Variants in PDIA5 observed in about 807,000 individuals in gnomAD.
The protein encoded by PDIA5 is protein disulfide isomerase family A member 5, also known as protein disulfide-isomerase A5.
PDIA5 carries 58 observed loss-of-function variants against 77.6 expected under a neutral mutation model. The ratio of observed to expected loss-of-function variants is 0.75; its 90% CI spans 0.61 to 0.93. The LOEUF is 0.93. Ranked by LOEUF, PDIA5 falls within the 40% of genes least tolerant of loss-of-function variation. PDIA5 has a pLI of 0.00. For synonymous variants in PDIA5, 250 were observed against 252.1 expected, an observed-to-expected ratio of 0.99 and a Z score of 0.08; for missense variants, 630 against 647.7, an observed-to-expected ratio of 0.97 and a Z score of 0.30.
At chr3:123,159,403 G>T (rs1037251802) in intron 15 of PDIA5, among the ~76,000 whole-genome samples, 2 of 152,194 alleles carry the variant, frequency 1.3e-5, no homozygotes, top group African/African-American at 4.8e-5. Context: ...GTGCATAGGG[G>T]CCAGTCTGCT....
chr3:123,139,001 A>G (rs1053622576), intron 11 of PDIA5, among the ~76,000 whole-genome samples: 5 of 152,200 alleles, frequency 3.3e-5, no homozygotes, highest in African/African-American at 1.2e-4. Flanking sequence ...TGAAATCCAG[A>G]CGAATCCGAG....
Position 123,150,146 on chromosome 3 carries a change from G to A in PDIA5, c.1143-88G>A, listed in dbSNP as rs553360728. On this transcript the variant is annotated intron_variant, in intron 13 of 16. Transcript: ENST00000316218. ...GTGGTTTCTTCATGCATGTTCCCCC[G>A]AGTGGTTGGGACATTGAGGGTGGAT... 1,108 of 873,164 alleles carry A rather than the reference G, an allele frequency of 1.3e-3. 7 individuals carry two copies. Among genetic ancestry groups the A allele is most frequent in the Middle Eastern group, 2.4e-3 (7 of 2,926 alleles). The allele number at this position is 873,164 out of a possible 1,614,324, so 54.1% of individuals were successfully genotyped here.
intron 1 of PDIA5, among the ~76,000 whole-genome samples, chr3:123,068,228 C>T (rs1198692739): frequency 6.6e-6 from 1 of 152,196 alleles, no homozygotes; most frequent in East Asian, 1.9e-4. Flanking sequence ...CCCAGATTTT[C>T]CCGTTCTTTT....
At chr3:123,079,370 C>T (rs9878000) in intron 1 of PDIA5, among the ~76,000 whole-genome samples, 20,248 of 151,776 alleles carry the variant, frequency 0.13, 1,586 homozygotes, top group Non-Finnish European at 0.18. Context: ...TTAGTAGAGA[C>T]GGGGTTTCAC....
intron 8 of PDIA5, among the ~76,000 whole-genome samples, chr3:123,122,900 C>T (rs1422339107): frequency 3.3e-5 from 5 of 152,170 alleles, no homozygotes; most frequent in Non-Finnish European, 7.3e-5. Flanking sequence ...ACTTACTTTT[C>T]CCTCGCTTCT....
At chr3:123,108,550 GA>G (rs1372783794) in intron 6 of PDIA5, among the ~76,000 whole-genome samples, 1 of 146,998 alleles carries the variant, frequency 6.8e-6, no homozygotes, top group Non-Finnish European at 1.5e-5. Context: ...AAAGTACTGA[GA>G]TTACAGGCGT....
intron 8 of PDIA5, among the ~76,000 whole-genome samples, chr3:123,121,450 T>C (rs1033225542): frequency 6.6e-6 from 1 of 152,212 alleles, no homozygotes; most frequent in Admixed American, 6.5e-5. Flanking sequence ...AAATTCTAAC[T>C]CCAGAAAGTG....
chr3:123,115,746 G>A (rs556895541), intron 7 of PDIA5, among the ~76,000 whole-genome samples: 96 of 152,342 alleles, frequency 6.3e-4, no homozygotes, highest in Admixed American at 5.5e-3. Flanking sequence ...AAAGAGAAAG[G>A]AGGCATGGAC....
intron 14 of PDIA5, among the ~76,000 whole-genome samples, chr3:123,153,412 A>G (rs1935956610): frequency 6.6e-6 from 1 of 152,180 alleles, no homozygotes; most frequent in Admixed American, 6.5e-5. Context: ...ATTTTATAAC[A>G]TCATCCCTTT....
intron 14 of PDIA5, among the ~76,000 whole-genome samples, chr3:123,151,936 C>T (rs1935916426): frequency 5.4e-5 from 8 of 146,952 alleles, no homozygotes; most frequent in African/African-American, 1.8e-4. Context: ...TTCCTGCCTT[C>T]CTTCCTGCCT....
At chr3:123,101,022 A>G (rs771876275) in intron 3 of PDIA5, among the ~76,000 whole-genome samples, 2 of 152,126 alleles carry the variant, frequency 1.3e-5, no homozygotes, top group Non-Finnish European at 2.9e-5. Context: ...GGCTGGGGAG[A>G]TGGCCCCCAG....
Position 123,130,489 on chromosome 3 carries a change from G to A in PDIA5, c.783G>A (p.Pro261=), listed in dbSNP as rs777330523. 54 of 1,613,340 alleles carry A rather than the reference G, an allele frequency of 3.3e-5. No individual in the cohort carries two copies. Among genetic ancestry groups the A allele is most frequent in the Non-Finnish European group, 4.1e-5 (48 of 1,179,632 alleles). ...DIVEWLKNPQ[P]PQPQVPETPW... is the part of the protein sequence containing the mutation. The stretch of plus-strand genomic sequence containing the variant: ...GTTTTTGGTCTTCCAGTCCGCAGCC[G>A]CCACAGCCCCAGGTCCCTGAGACTC... The change falls in exon 11 of 17, where the codon CCG becomes CCA. Residue 261 remains proline, a synonymous_variant. Transcript: ENST00000316218.
intron 8 of PDIA5, among the ~76,000 whole-genome samples, chr3:123,121,670 T>C (rs866281): frequency 0.7 from 105,958 of 152,066 alleles, 38,198 homozygotes; most frequent in Non-Finnish European, 0.8. Context: ...GCAGCCTCAG[T>C]AAGGGGACTG....
chr3:123,108,992 T>A (rs1934805004), intron 6 of PDIA5, among the ~76,000 whole-genome samples: 1 of 152,214 alleles, frequency 6.6e-6, no homozygotes, highest in African/African-American at 2.4e-5. Flanking sequence ...GTGCTGCTCC[T>A]GTAATGATGA....
intron 6 of PDIA5, among the ~76,000 whole-genome samples, chr3:123,108,676 A>G (rs1479181192): frequency 1.3e-5 from 2 of 150,798 alleles, no homozygotes; most frequent in Non-Finnish European, 3.0e-5. Context: ...TCACAAGGTC[A>G]GGAGTTTGAG....
At chr3:123,069,337 C>T (rs568951253) in intron 1 of PDIA5, among the ~76,000 whole-genome samples, 2 of 152,294 alleles carry the variant, frequency 1.3e-5, no homozygotes, top group African/African-American at 4.8e-5. Context: ...CAGGGATATA[C>T]ACCCACCACA....
chr3:123,068,225 T>C (rs1290346762), intron 1 of PDIA5, among the ~76,000 whole-genome samples: 2 of 152,142 alleles, frequency 1.3e-5, no homozygotes. Context: ...CAACCCAGAT[T>C]TTCCCGTTCT....
chr3:123,110,491 A>G (rs763304238), intron 6 of PDIA5, among the ~76,000 whole-genome samples: 5 of 152,198 alleles, frequency 3.3e-5, no homozygotes, highest in Non-Finnish European at 7.3e-5. Context: ...AGTCAGGCAC[A>G]CATGAAAACA....
chr3:123,143,807 T>C (rs1042308216), intron 11 of PDIA5, among the ~76,000 whole-genome samples: 1 of 152,146 alleles, frequency 6.6e-6, no homozygotes, highest in African/African-American at 2.4e-5. Context: ...AGCTGACATG[T>C]TGATGTGGCT....
Sources: allele counts gnomAD v4.1 joint callset (sites outside exome capture counted in the v4.1 genomes callset), GRCh38; gene constraint gnomAD v4.1.1; transcripts MANE v1.5; gene names NCBI Gene and HGNC (gene_info 2026-07-23, HGNC 2026-07-21).